The following UBE4B variants were observed in gnomAD, a reference collection of about 807,000 sequenced individuals.
The protein encoded by UBE4B is ubiquitination factor E4B.
A neutral mutation model predicts 148.1 loss-of-function variants in UBE4B; 27 were observed. The ratio of observed to expected loss-of-function variants is 0.18; its 90% CI spans 0.13 to 0.25. The LOEUF (loss-of-function observed/expected upper bound fraction) is 0.25. Ranked by LOEUF, UBE4B falls within the 10% of genes least tolerant of loss-of-function variation. The pLI is 1.00. For synonymous variants in UBE4B, 596 were observed against 619.3 expected (o/e 0.96, Z 0.56); for missense variants, 1,170 against 1,662.4 (o/e 0.70, Z 5.15).
Position 10,151,387 on chromosome 1 carries a change from A to G in UBE4B, c.2752A>G (p.Met918Val). Residue 918 changes from methionine (M) to valine (V), a missense_variant, in exon 21 of 28, where the codon ATG becomes GTG. Coordinates refer to ENST00000343090, the MANE Select transcript of UBE4B (RefSeq NM_001105562.3). ...TQDIVMFLVV[M>V]LCNQNYIRNP... is the part of the protein sequence containing the mutation. ...GGATATTGTGATGTTCCTTGTTGTGATGTTGTGCAACCAGAACTACATCCG... is the reference window on the plus strand; with the variant it reads ...GGATATTGTGATGTTCCTTGTTGTGGTGTTGTGCAACCAGAACTACATCCG... The G allele has an allele frequency of 6.2e-7, 1 of 1,614,026 alleles. No individual in the cohort carries two copies. Among genetic ancestry groups the G allele is most frequent in the South Asian group, 1.1e-5 (1 of 91,072 alleles).
Position 10,096,916 on chromosome 1 carries a change from G to A in UBE4B, c.347+1320G>A, listed in dbSNP as rs544951820. 2.1e-4 allele frequency among the ~76,000 whole-genome samples: 32 copies of A among 151,958 alleles called. No homozygotes were observed. The South Asian group carries it at 2.9e-3, about 14-fold the overall frequency. ...TAGCTGGGTGTGGTGTTGCATGCCT[G>A]TAGTACCAGCTACTTGGGAGGCTAA... On this transcript the variant is annotated intron_variant, in intron 3 of 27. Transcript: ENST00000343090.
chr1:10,082,849 C>G (rs1236845802), intron 2 of UBE4B, among the ~76,000 whole-genome samples: 2 of 151,470 alleles, frequency 1.3e-5, no homozygotes, highest in Non-Finnish European at 2.9e-5. Flanking sequence ...TGTTGCTCCC[C>G]TCCCTGTGTC....
At chr1:10,129,934 G>A (rs1363756887) in intron 12 of UBE4B, among the ~76,000 whole-genome samples, 2 of 151,924 alleles carry the variant, frequency 1.3e-5, no homozygotes, top group African/African-American at 4.8e-5. Flanking sequence ...TTACAGGCGT[G>A]AGCCACCGCA....
At chr1:10,173,650 CTG>C (rs1646371446) in intron 25 of UBE4B, among the ~76,000 whole-genome samples, 1 of 152,152 alleles carries the variant, frequency 6.6e-6, no homozygotes, top group Non-Finnish European at 1.5e-5. Context: ...CCACACCTGA[CTG>C]TAGCTGGCGT....
intron 14 of UBE4B, 100 bp from the exon 15 acceptor site, chr1:10,132,269 G>A (rs1645609116): frequency 2.6e-6 from 2 of 773,436 alleles, no homozygotes; most frequent in Admixed American, 2.3e-5. Flanking sequence ...AAGTGGGAGA[G>A]GAGAGAACGT....
At chr1:10,156,210 A>G (rs1316393309) in intron 21 of UBE4B, among the ~76,000 whole-genome samples, 2 of 150,016 alleles carry the variant, frequency 1.3e-5, no homozygotes, top group Non-Finnish European at 3.0e-5. Flanking sequence ...GTTGGGAGAA[A>G]TGTATATTGT....
intron 25 of UBE4B, among the ~76,000 whole-genome samples, chr1:10,175,365 A>G (rs187907236): frequency 1.2e-3 from 184 of 152,280 alleles, no homozygotes; most frequent in African/African-American, 4.3e-3. Flanking sequence ...AAAATAAAAA[A>G]AAATAGCCGG....
intron 2 of UBE4B, 24 bp from the exon 3 acceptor site, chr1:10,095,437 A>G: frequency 6.2e-7 from 1 of 1,612,388 alleles, no homozygotes. Context: ...ATGGGGCTTC[A>G]TCCTTCCTGT....
At chr1:10,172,557 G>A (rs1041607837) in intron 25 of UBE4B, among the ~76,000 whole-genome samples, 3 of 152,158 alleles carry the variant, frequency 2.0e-5, no homozygotes, top group African/African-American at 7.2e-5. Context: ...AACCATGCTT[G>A]TCTCTGTGTC....
chr1:10,036,163 C>A (rs1463444373), intron 1 of UBE4B, among the ~76,000 whole-genome samples: 2 of 142,612 alleles, frequency 1.4e-5, no homozygotes, highest in Admixed American at 1.4e-4. Flanking sequence ...CCAAAAAATT[C>A]TTTTCAAACC....
Position 10,131,549 on chromosome 1 carries a change from A to G in UBE4B, c.1911+736A>G, listed in dbSNP as rs552949532. On this transcript the variant is annotated intron_variant, in intron 14 of 27. Transcript: ENST00000343090. Reference sequence around the variant, plus strand: ...ACTAAGGTAATTTTGATCATGGGAAAGAAGTAACAAAGCCTATTTTATTAA... The same window carrying G: ...ACTAAGGTAATTTTGATCATGGGAAGGAAGTAACAAAGCCTATTTTATTAA... Among the ~76,000 whole-genome samples the G allele has an allele frequency of 1.8e-4, 28 of 151,916 alleles. 2 individuals carry two copies. The highest frequency in any genetic ancestry group is 6.0e-4 in the African/African-American group (25 of 41,478).
chr1:10,165,902 T>C (rs1433429501), intron 23 of UBE4B, among the ~76,000 whole-genome samples: 1 of 152,186 alleles, frequency 6.6e-6, no homozygotes, highest in Non-Finnish European at 1.5e-5. Flanking sequence ...CTAAGCTGCA[T>C]GAGAGCTGGG....
chr1:10,171,719 A>C (rs1302705498), intron 25 of UBE4B, among the ~76,000 whole-genome samples: 5 of 152,040 alleles, frequency 3.3e-5, no homozygotes, highest in Admixed American at 2.6e-4. Flanking sequence ...ATCTCTACTA[A>C]AGATACAAAA....
chr1:10,058,817 G>A (rs1019077687), intron 1 of UBE4B: 2 of 152,328 alleles, frequency 1.3e-5, no homozygotes, highest in Non-Finnish European at 2.9e-5. Flanking sequence ...CGACCCCCTG[G>A]ACAGTATTGG....
At position 10,175,854 on chromosome 1, in the gene UBE4B, C is replaced by T. The variant is rs1192907608; in HGVS notation, c.3526-2790C>T. On this transcript the variant is annotated intron_variant, in intron 25 of 27. Transcript: ENST00000343090. ...TTAATGAGGTAAGATTAATATATAACGTAGAAGTAACCATTTAAAAGTGTA... is the reference window on the plus strand; with the variant it reads ...TTAATGAGGTAAGATTAATATATAATGTAGAAGTAACCATTTAAAAGTGTA... Among the ~76,000 whole-genome samples the T allele has an allele frequency of 2.6e-5, 4 of 151,904 alleles. No individual in the cohort carries two copies. In the East Asian group the frequency reaches 5.8e-4, roughly 22 times the overall value.
At chr1:10,141,435 A>G (rs1467118994) in intron 17 of UBE4B, among the ~76,000 whole-genome samples, 1 of 152,156 alleles carries the variant, frequency 6.6e-6, no homozygotes, top group Non-Finnish European at 1.5e-5. Context: ...GGAAAAGGCG[A>G]GGAAACTTGT....
At chr1:10,064,708 G>GA (rs1255147531) in intron 1 of UBE4B, among the ~76,000 whole-genome samples, 1 of 150,380 alleles carries the variant, frequency 6.6e-6, no homozygotes, top group East Asian at 1.9e-4. Context: ...CATGGCTAGA[G>GA]AAAAAAACAA....
At chr1:10,103,626 G>GTTTTTTTTTTT (rs1279924321) in intron 5 of UBE4B, among the ~76,000 whole-genome samples, 1 of 117,080 alleles carries the variant, frequency 8.5e-6, no homozygotes, top group African/African-American at 3.2e-5. Context: ...TGTTTGTTTT[G>GTTTTTTTTTTT]TTTTTGTTTT....
chr1:10,105,577 T>C lies in UBE4B; in HGVS notation c.642T>C (p.Thr214=), dbSNP rs1272990689. Residue 214 remains threonine, a synonymous_variant, in exon 6 of 28, where the codon ACT becomes ACC. Transcript: ENST00000343090. ...TAATGGAAGTGCTAATGATGTCCACTCAGACCAGAGATGAAAACCCATTTG... is the reference window on the plus strand; with the variant it reads ...TAATGGAAGTGCTAATGATGTCCACCCAGACCAGAGATGAAAACCCATTTG... ...QILMEVLMMS[T]QTRDENPFAS... 6.2e-7 allele frequency: 1 copy of C among 1,614,106 alleles called. No individual in the cohort carries two copies. The highest frequency in any genetic ancestry group is 8.5e-7 in the Non-Finnish European group (1 of 1,180,050).
Sources: gnomAD v4.1 joint callset for allele counts (sites outside exome capture counted in the v4.1 genomes callset) on GRCh38, gnomAD v4.1.1 for gene constraint, MANE v1.5 for transcripts, NCBI Gene and HGNC (gene_info 2026-07-23, HGNC 2026-07-21) for gene names.